Variants in GALNT7 observed in about 807,000 individuals in gnomAD.
GALNT7 encodes the protein N-acetylgalactosaminyltransferase 7.
GALNT7 carries 60 observed loss-of-function variants against 82.1 expected under a neutral mutation model. The observed-to-expected ratio is 0.73, with a 90% CI of 0.59 to 0.91. The LOEUF is 0.91. Among genes scored for constraint, GALNT7 ranks in the 40% least tolerant of loss-of-function variants. The probability of loss-of-function intolerance (pLI) is 0.00; values close to 1 mark genes in which losing one functional copy is unlikely to be tolerated. For synonymous variants in GALNT7, 243 were observed against 275.1 expected (o/e 0.88, Z 1.15); for missense variants, 660 against 804.2 (o/e 0.82, Z 2.17).
At chr4:173,307,923 C>A (rs1341049117) in intron 8 of GALNT7, among the ~76,000 whole-genome samples, 1 of 152,176 alleles carries the variant, frequency 6.6e-6, no homozygotes, top group African/African-American at 2.4e-5. Flanking sequence ...TCTGGGGTTC[C>A]CCAGCAGAAG....
At chr4:173,170,448 C>T (rs756149041) in intron 1 of GALNT7, among the ~76,000 whole-genome samples, 15 of 152,204 alleles carry the variant, frequency 9.9e-5, no homozygotes, top group Non-Finnish European at 2.1e-4. Context: ...TCGCCTATAT[C>T]ATGAGATTAG....
At chr4:173,237,478 T>C (rs1005481017) in intron 1 of GALNT7, among the ~76,000 whole-genome samples, 2 of 152,188 alleles carry the variant, frequency 1.3e-5, no homozygotes, top group Non-Finnish European at 2.9e-5. Context: ...TAACAAACAT[T>C]CTCTCCCAAC....
chr4:173,196,875 A>T (rs1462953877), intron 1 of GALNT7, among the ~76,000 whole-genome samples: 1 of 152,202 alleles, frequency 6.6e-6, no homozygotes, highest in Non-Finnish European at 1.5e-5. Flanking sequence ...ATAAGGGCCT[A>T]ACCTCAGAGA....
chr4:173,178,060 C>CTGTGTGTGT, intron 1 of GALNT7, among the ~76,000 whole-genome samples: 1 of 123,624 alleles, frequency 8.1e-6, no homozygotes, highest in African/African-American at 4.5e-5. Context: ...TGTGCGCGCA[C>CTGTGTGTGT]GCGCGTGCGC....
chr4:173,278,560 A>AT (rs1169126203), intron 2 of GALNT7, among the ~76,000 whole-genome samples: 1 of 152,248 alleles, frequency 6.6e-6, no homozygotes, highest in Non-Finnish European at 1.5e-5. Context: ...AACCAACAAT[A>AT]TAAAATGCAA....
rs1407099873 is a variant in GALNT7 at position 173,321,670 on chromosome 4, A to G, written c.1927A>G (p.Ser643Gly). Residue 643 changes from serine to glycine, a missense_variant, in exon 12 of 12, where the codon AGT (serine) becomes GGT (glycine). Ser to Gly is a moderately conservative substitution (Grantham distance 56, BLOSUM62 0). Coordinates refer to ENST00000265000, the MANE Select transcript of GALNT7 (RefSeq NM_017423.3). ...HQVFISNCDS[S>G]KTTQKWEMNN... The stretch of plus-strand genomic sequence containing the variant: ...AGTATTCATCTCCAATTGTGACTCC[A>G]GTAAAACGACTCAAAAATGGGAAAT... 3 of 1,607,654 alleles carry G rather than the reference A, an allele frequency of 1.9e-6. No homozygotes were observed. In the East Asian group the frequency reaches 6.7e-5, roughly 36 times the overall value.
At chr4:173,243,891 C>A (rs1734520654) in intron 1 of GALNT7, among the ~76,000 whole-genome samples, 2 of 152,124 alleles carry the variant, frequency 1.3e-5, no homozygotes, top group South Asian at 4.1e-4. Context: ...CTCCCCTTTT[C>A]TTTTCGGAGT....
rs368174678 is a variant in GALNT7, at chr4:173,220,573, C to T, written c.127-27407C>T. 3.1e-4 allele frequency among the ~76,000 whole-genome samples: 47 copies of T among 152,154 alleles called. 1 individual carries two copies. In the East Asian group the frequency reaches 5.4e-3, roughly 18 times the overall value. On this transcript the variant is annotated intron_variant, in intron 1 of 11. Coordinates refer to ENST00000265000, the MANE Select transcript of GALNT7 (RefSeq NM_017423.3). ...TGTGCAGGTTAGTTACATACGTATA[C>T]ATGTGACATGCTGGTGCGCTGCACC...
chr4:173,297,778 T>C (rs890668291), intron 5 of GALNT7: 6 of 1,308,496 alleles, frequency 4.6e-6, no homozygotes, highest in African/African-American at 1.5e-5. Flanking sequence ...CTTTTTCATT[T>C]TCTGTAAATG....
At chr4:173,303,487 T>C (rs1013193620) in intron 7 of GALNT7, among the ~76,000 whole-genome samples, 2 of 152,258 alleles carry the variant, frequency 1.3e-5, no homozygotes, top group African/African-American at 4.8e-5. Flanking sequence ...AAGAGATTTT[T>C]ATTTAATTTG....
Position 173,223,056 on chromosome 4 carries a change from A to G in GALNT7, c.127-24924A>G, listed in dbSNP as rs537930035. ...CATCCTAGCCTCAGCACTTCTCTAC[A>G]TTAATTCTAGGAAACACTTGTACTT... On this transcript the variant is annotated intron_variant, in intron 1 of 11. Coordinates refer to ENST00000265000, the MANE Select transcript of GALNT7 (RefSeq NM_017423.3). Among the ~76,000 whole-genome samples the G allele has an allele frequency of 5.3e-5, 8 of 152,304 alleles. No individual in the cohort carries two copies. The South Asian group carries it at 1.7e-3, about 32-fold the overall frequency.
At position 173,286,018 on chromosome 4, in the gene GALNT7, AAAC is replaced by A. The variant is rs1188382123; in HGVS notation, c.588-6078_588-6076del. Among the ~76,000 whole-genome samples, 8 of 152,266 alleles carry A rather than the reference AAAC, an allele frequency of 5.3e-5. No homozygotes were observed. In the South Asian group the frequency reaches 8.4e-4, roughly 16 times the overall value. The stretch of plus-strand genomic sequence containing the variant: ...AAAAGTAATTCAGTTGACTGAAAAA[AAAC>A]AACAACAACAAAAAACCTTTTCCAG... On this transcript the variant is annotated intron_variant, in intron 2 of 11. Transcript: ENST00000265000.
chr4:173,185,768 G>A (rs931286534), intron 1 of GALNT7, among the ~76,000 whole-genome samples: 1 of 152,150 alleles, frequency 6.6e-6, no homozygotes, highest in African/African-American at 2.4e-5. Context: ...AGAGTCTGCA[G>A]TTTGTATGAA....
intron 1 of GALNT7, among the ~76,000 whole-genome samples, chr4:173,231,148 A>G (rs1734019744): frequency 6.6e-6 from 1 of 152,190 alleles, no homozygotes; most frequent in Admixed American, 6.5e-5. Flanking sequence ...ATTTTTAAAA[A>G]TGTTTTTCCC....
chr4:173,319,074 T>C (rs1460782708), intron 11 of GALNT7, among the ~76,000 whole-genome samples: 2 of 152,120 alleles, frequency 1.3e-5, no homozygotes, highest in Non-Finnish European at 2.9e-5. Flanking sequence ...TGTAGCTAGT[T>C]GCTTACTTTA....
rs1181720435 is a variant in GALNT7, at chr4:173,168,894, G to A, written c.59G>A (p.Gly20Glu). 1.9e-6 allele frequency: 3 copies of A among 1,613,790 alleles called. No homozygotes were observed. Among genetic ancestry groups the A allele is most frequent in the Non-Finnish European group, 2.5e-6 (3 of 1,179,786 alleles). ...TTGCTGGTGGTGGGAAGCTTCCTGG[G>A]GCTAGTGGTCCTCTGGTCTTCCCTG... Reference protein sequence around the residue: ...RSLLVVGSFLGLVVLWSSLTP... With the variant: ...RSLLVVGSFLELVVLWSSLTP... The change falls in exon 1 of 12, where the codon GGG becomes GAG. Residue 20 changes from glycine to glutamate, a missense_variant. This residue lies in a region of GALNT7 where 133 missense variants were observed against 120.7 expected (regional missense o/e 1.10). Transcript: ENST00000265000.
At chr4:173,261,396 T>TG (rs1352879481) in intron 2 of GALNT7, among the ~76,000 whole-genome samples, 4 of 151,860 alleles carry the variant, frequency 2.6e-5, no homozygotes, top group Admixed American at 2.0e-4. Flanking sequence ...TTTTGTTTTT[T>TG]TTTTTCTCAT....
At chr4:173,226,088 T>C (rs1008051204) in intron 1 of GALNT7, among the ~76,000 whole-genome samples, 7 of 152,102 alleles carry the variant, frequency 4.6e-5, no homozygotes, top group Admixed American at 4.6e-4. Context: ...GGGGAATAAG[T>C]TTTTTAATCC....
At chr4:173,289,724 T>A (rs559882438) in intron 2 of GALNT7, among the ~76,000 whole-genome samples, 1 of 152,326 alleles carries the variant, frequency 6.6e-6, no homozygotes, top group African/African-American at 2.4e-5. Flanking sequence ...AACTTTTTCC[T>A]GAGAGCTCAC....
Sources: gnomAD v4.1 joint callset for allele counts (sites outside exome capture counted in the v4.1 genomes callset) on GRCh38, gnomAD v4.1.1 for gene constraint, gnomAD v4.1.1 regional missense constraint, MANE v1.5 for transcripts, NCBI Gene and HGNC (gene_info 2026-07-23, HGNC 2026-07-21) for gene names.